Variants in MDM1 observed in about 807,000 individuals in gnomAD.
MDM1 encodes the protein Mdm1 nuclear protein.
In MDM1, 61 loss-of-function variants were observed where a neutral mutation model predicts 89.1. That is an observed-to-expected ratio of 0.68 (90% CI 0.56 to 0.85). The LOEUF (loss-of-function observed/expected upper bound fraction) is 0.85, where lower values mean the gene tolerates loss of function less well. Ranked by LOEUF, MDM1 falls within the 40% of genes least tolerant of loss-of-function variation. The pLI, the probability that MDM1 is intolerant of heterozygous loss-of-function variation, is 0.00. For missense variants in MDM1, 820 were observed against 846.5 expected (o/e 0.97, Z 0.39); for synonymous variants, 290 against 294.1 (o/e 0.99, Z 0.14).
At position 68,295,171 on chromosome 12, in the gene MDM1, C is replaced by A; in HGVS notation, c.*83G>T. Reference sequence around the variant, plus strand: ...TCAAAGTAGAAAACGTTAGGAAAAACTTCACTCAAAAAATTTTAACACAGT... The same window carrying A: ...TCAAAGTAGAAAACGTTAGGAAAAAATTCACTCAAAAAATTTTAACACAGT... On this transcript the variant is annotated 3_prime_UTR_variant, in exon 15 of 15. Transcript: ENST00000682720. 1 of 816,878 alleles carries A rather than the reference C, an allele frequency of 1.2e-6. No homozygotes were observed. Among genetic ancestry groups the A allele is most frequent in the Non-Finnish European group, 2.0e-6 (1 of 504,536 alleles). 50.6% of individuals were successfully genotyped at this position (816,878 alleles called of 1,614,324 possible).
Position 68,296,920 on chromosome 12 carries a change from TACCTTCATCA to T in MDM1, c.2055_2062+2del. On this transcript the variant is annotated splice_donor_variant and coding_sequence_variant, in exon 14 of 15. Transcript: ENST00000682720. LOFTEE classifies it high-confidence loss of function. ...CTTTTATGTTATGTGACTACTGAAA[TACCTTCATCA>T]TTAAAGGCTTCATGTTGAGGTAACT... 1 of 1,583,188 alleles carries T rather than the reference TACCTTCATCA, an allele frequency of 6.3e-7. No individual in the cohort carries two copies. Among genetic ancestry groups the T allele is most frequent in the Admixed American group, 1.8e-5 (1 of 54,390 alleles).
chr12:68,331,976 C>A (rs1470207954), intron 1 of MDM1: 2 of 696,392 alleles, frequency 2.9e-6, no homozygotes, highest in Middle Eastern at 2.3e-4. Context: ...CCTCTTGAGT[C>A]CCCCTAAGTA....
At chr12:68,309,267 C>T (rs1873361364) in intron 12 of MDM1, among the ~76,000 whole-genome samples, 1 of 152,174 alleles carries the variant, frequency 6.6e-6, no homozygotes, top group Admixed American at 6.5e-5. Flanking sequence ...TTGGCATATG[C>T]TAGGCTCCTT....
chr12:68,330,993 T>C (rs1475672104), intron 2 of MDM1, 114 bp downstream of exon 2: 1 of 675,756 alleles, frequency 1.5e-6, no homozygotes, highest in East Asian at 2.5e-5. Flanking sequence ...ACTGAACTTT[T>C]AATATATCAT....
At chr12:68,326,599 C>A in intron 3 of MDM1, 58 bp downstream of exon 3, 1 of 1,613,890 alleles carries the variant, frequency 6.2e-7, no homozygotes, top group Non-Finnish European at 8.5e-7. Context: ...ACAGAAATGA[C>A]AATGAAACCA....
intron 10 of MDM1, 126 bp from the exon 11 acceptor site, chr12:68,313,879 C>G: frequency 1.4e-6 from 1 of 732,182 alleles, no homozygotes; most frequent in East Asian, 2.8e-5. Flanking sequence ...CGGTGGCTCA[C>G]GCCCGTAATC....
intron 2 of MDM1, chr12:68,330,854 CG>C (rs1876693863): frequency 8.7e-6 from 4 of 458,814 alleles, no homozygotes; most frequent in African/African-American, 2.0e-5. Flanking sequence ...CAGTCAGTAC[CG>C]AAACAGTTGT....
At chr12:68,301,243 T>C (rs1307245681) in intron 13 of MDM1, among the ~76,000 whole-genome samples, 1 of 152,138 alleles carries the variant, frequency 6.6e-6, no homozygotes, top group Non-Finnish European at 1.5e-5. Context: ...CTCAAGGAAC[T>C]AGAGAAACAG....
chr12:68,326,029 C>G, intron 3 of MDM1: 1 of 994,234 alleles, frequency 1.0e-6, no homozygotes, highest in Non-Finnish European at 1.2e-6. Flanking sequence ...TCTGAAATGC[C>G]TCTTCAGGGT....
chr12:68,310,252 T>C (rs1873498125), intron 12 of MDM1, among the ~76,000 whole-genome samples: 1 of 152,224 alleles, frequency 6.6e-6, no homozygotes, highest in Non-Finnish European at 1.5e-5. Flanking sequence ...ATTATAAACA[T>C]GAGCTACCGC....
intron 3 of MDM1, 130 bp from the exon 4 acceptor site, chr12:68,325,705 G>A: frequency 7.5e-7 from 1 of 1,330,354 alleles, no homozygotes. Context: ...GTGCAAAATT[G>A]TTAACTACAT....
At chr12:68,326,177 G>A (rs1428985981) in intron 3 of MDM1, 1 of 1,048,622 alleles carries the variant, frequency 9.5e-7, no homozygotes, top group Non-Finnish European at 1.2e-6. Context: ...CAGGCCAGCT[G>A]TGACATAAGA....
At chr12:68,314,762 A>G (rs1482201800) in intron 10 of MDM1, among the ~76,000 whole-genome samples, 186 bp downstream of exon 10, 2 of 152,198 alleles carry the variant, frequency 1.3e-5, no homozygotes, top group South Asian at 4.1e-4. Flanking sequence ...ACCAATCACT[A>G]GTGACTTAAA....
intron 12 of MDM1, among the ~76,000 whole-genome samples, chr12:68,310,981 G>A (rs919050050): frequency 6.6e-6 from 1 of 151,902 alleles, no homozygotes; most frequent in Non-Finnish European, 1.5e-5. Flanking sequence ...ATCCCCACAG[G>A]TGCCCCAATT....
chr12:68,315,223 T>G lies in MDM1; in HGVS notation c.1254A>C (p.Thr418=), dbSNP rs748117115. 7 of 1,614,240 alleles carry G rather than the reference T, an allele frequency of 4.3e-6. No homozygotes were observed. The South Asian group carries it at 6.6e-5, about 15-fold the overall frequency. Residue 418 remains threonine (T), a synonymous_variant, in exon 10 of 15, where the codon ACA becomes ACC. Transcript: ENST00000682720. Reference sequence around the variant, plus strand: ...CGATATTTCCTTTTTCTTCTGGTTCTGTAGAAGGACATTTCTGCAAAGTCT... The same window carrying G: ...CGATATTTCCTTTTTCTTCTGGTTCGGTAGAAGGACATTTCTGCAAAGTCT... ...SHKTLQKCPS[T]EPEEKGNIVE...
At chr12:68,296,631 C>T (rs1871431569) in intron 14 of MDM1, among the ~76,000 whole-genome samples, 1 of 152,162 alleles carries the variant, frequency 6.6e-6, no homozygotes, top group South Asian at 2.1e-4. Flanking sequence ...AGGCCAAATT[C>T]CTGAGCCCCC....
chr12:68,309,141 C>T (rs967965353), intron 12 of MDM1, among the ~76,000 whole-genome samples: 3 of 152,164 alleles, frequency 2.0e-5, no homozygotes, highest in Non-Finnish European at 4.4e-5. Flanking sequence ...CTTGAGATAA[C>T]GAAAGAAATC....
In MDM1 at chr12:68,314,939, A is replaced by T; in HGVS notation, c.1529+9T>A. ...CGCTTCTCTATACTGAGTAATTTAA[A>T]ACTCTCACCCTTCTTTCATCTTATC... is the stretch of plus-strand genomic sequence containing the variant. On this transcript the variant is annotated intron_variant, in intron 10 of 14. Transcript: ENST00000682720. 5.0e-6 allele frequency: 8 copies of T among 1,596,382 alleles called. No homozygotes were observed. Among genetic ancestry groups the T allele is most frequent in the Non-Finnish European group, 6.9e-6 (8 of 1,164,798 alleles).
intron 2 of MDM1, 45 bp from the exon 3 acceptor site, chr12:68,327,066 G>C: frequency 6.6e-7 from 1 of 1,522,222 alleles, no homozygotes; most frequent in East Asian, 2.3e-5. Context: ...AAAGCAAAAA[G>C]TTACAAAGAC....
Sources: gnomAD v4.1 joint callset for allele counts (sites outside exome capture counted in the v4.1 genomes callset) on GRCh38, gnomAD v4.1.1 for gene constraint, MANE v1.5 for transcripts, NCBI Gene and HGNC (gene_info 2026-07-23, HGNC 2026-07-21) for gene names.